The following AGBL4 variants were observed in gnomAD, a reference collection of about 807,000 sequenced individuals.
AGBL4 encodes the protein AGBL carboxypeptidase 4, also known as cytosolic carboxypeptidase 6.
AGBL4 carries 58 observed loss-of-function variants against 66.4 expected under a neutral mutation model. That is an observed-to-expected ratio of 0.87 (90% CI 0.71 to 1.09). The LOEUF (loss-of-function observed/expected upper bound fraction) is 1.09. Among genes scored for constraint, AGBL4 ranks in the 50% least tolerant of loss-of-function variants. AGBL4 has a pLI of 0.00. For missense variants in AGBL4, 579 were observed against 631.0 expected, an observed-to-expected ratio of 0.92 and a Z score of 0.88; for synonymous variants, 234 against 222.9, an observed-to-expected ratio of 1.05 and a Z score of -0.44.
chr1:49,926,016 AG>A (rs915255479), intron 1 of AGBL4, among the ~76,000 whole-genome samples: 26 of 152,304 alleles, frequency 1.7e-4, no homozygotes, highest in African/African-American at 6.0e-4. Flanking sequence ...TACAGCCCCC[AG>A]GCCTTGAGCA....
At chr1:48,765,988 TAAG>T (rs1644509322) in intron 6 of AGBL4, among the ~76,000 whole-genome samples, 1 of 152,178 alleles carries the variant, frequency 6.6e-6, no homozygotes, top group African/African-American at 2.4e-5. Flanking sequence ...GTTCCGGAAT[TAAG>T]TAGTAGTGAT....
chr1:49,629,444 C>A (rs756837066), intron 3 of AGBL4, among the ~76,000 whole-genome samples: 13 of 152,088 alleles, frequency 8.5e-5, no homozygotes, highest in Non-Finnish European at 1.5e-4. Flanking sequence ...ACGCCTTGGG[C>A]CAAGGACTTA....
intron 4 of AGBL4, among the ~76,000 whole-genome samples, chr1:49,243,358 T>C (rs192277399): frequency 2.6e-4 from 39 of 151,874 alleles, no homozygotes; most frequent in Non-Finnish European, 5.5e-4. Context: ...GATAGACTCC[T>C]TGGAGCCAAT....
chr1:48,601,014 G>A (rs1198667601), intron 9 of AGBL4, among the ~76,000 whole-genome samples: 1 of 152,124 alleles, frequency 6.6e-6, no homozygotes, highest in Admixed American at 6.5e-5. Flanking sequence ...CTCAGCCCAG[G>A]AGGTTTGGGT....
intron 2 of AGBL4, among the ~76,000 whole-genome samples, chr1:49,767,175 A>T (rs968122608): frequency 1.3e-5 from 2 of 152,146 alleles, no homozygotes; most frequent in Admixed American, 1.3e-4. Flanking sequence ...CTGAACACTG[A>T]ATATACTCTA....
intron 3 of AGBL4, among the ~76,000 whole-genome samples, chr1:49,635,945 A>G (rs927533102): frequency 5.3e-5 from 8 of 152,224 alleles, no homozygotes; most frequent in African/African-American, 1.9e-4. Context: ...TACAGCAACT[A>G]AAAATTAGAT....
intron 3 of AGBL4, among the ~76,000 whole-genome samples, chr1:49,487,183 A>G (rs1647086422): frequency 6.6e-6 from 1 of 151,972 alleles, no homozygotes; most frequent in Admixed American, 6.6e-5. Context: ...TACTCAGATT[A>G]TTTCATCCAA....
intron 3 of AGBL4, among the ~76,000 whole-genome samples, chr1:49,436,277 C>T (rs1645901277): frequency 6.6e-6 from 1 of 152,040 alleles, no homozygotes. Context: ...TTCCTCAGAA[C>T]TTTAGGACAA....
chr1:48,801,488 T>C (rs1645806079), intron 6 of AGBL4, among the ~76,000 whole-genome samples: 2 of 152,242 alleles, frequency 1.3e-5, no homozygotes, highest in African/African-American at 2.4e-5. Context: ...AAGTCAGGGA[T>C]GGCTTCCCTG....
chr1:49,264,979 T>G (rs35395172), intron 3 of AGBL4, among the ~76,000 whole-genome samples: 1 of 152,242 alleles, frequency 6.6e-6, no homozygotes, highest in Non-Finnish European at 1.5e-5. Context: ...TCTTTTATGG[T>G]TATTTTCTTT....
At chr1:49,519,554 T>C (rs929124420) in intron 3 of AGBL4, among the ~76,000 whole-genome samples, 26 of 151,986 alleles carry the variant, frequency 1.7e-4, no homozygotes, top group Admixed American at 5.9e-4. Context: ...AATGAGAAAA[T>C]ATGAATTTTA....
At chr1:49,164,899 T>G (rs1569896459) in intron 4 of AGBL4, among the ~76,000 whole-genome samples, 1 of 152,128 alleles carries the variant, frequency 6.6e-6, no homozygotes, top group Non-Finnish European at 1.5e-5. Context: ...TGGAGAACTT[T>G]TCAGCACAAG....
At chr1:48,728,049 C>A in intron 6 of AGBL4, 2 of 1,577,948 alleles carry the variant, frequency 1.3e-6, no homozygotes, top group Non-Finnish European at 1.7e-6. Flanking sequence ...ACACTCTAGA[C>A]GGGGAGAAGA....
intron 1 of AGBL4, among the ~76,000 whole-genome samples, chr1:49,980,239 A>G (rs1658949179): frequency 6.6e-6 from 1 of 152,092 alleles, no homozygotes; most frequent in Admixed American, 6.5e-5. Context: ...GAAATTTTTT[A>G]TCTTTAATTT....
intron 3 of AGBL4, among the ~76,000 whole-genome samples, chr1:49,520,315 TAAAAC>T (rs1650155932): frequency 6.6e-6 from 1 of 151,966 alleles, no homozygotes. Flanking sequence ...ATCTCAAAAA[TAAAAC>T]AAAACAACCC....
At chr1:48,726,340 A>T (rs1557907445) in intron 6 of AGBL4, among the ~76,000 whole-genome samples, 1 of 152,176 alleles carries the variant, frequency 6.6e-6, no homozygotes, top group Non-Finnish European at 1.5e-5. Context: ...GAGCTCAACA[A>T]TGATGCAAAG....
At chr1:49,316,749 A>G (rs1645045895) in intron 3 of AGBL4, among the ~76,000 whole-genome samples, 2 of 151,902 alleles carry the variant, frequency 1.3e-5, no homozygotes, top group Non-Finnish European at 2.9e-5. Context: ...TTAAATATAC[A>G]TAATCTCAAT....
intron 9 of AGBL4, among the ~76,000 whole-genome samples, chr1:48,601,684 A>C (rs319979): frequency 0.42 from 63,211 of 151,930 alleles, 13,685 homozygotes; most frequent in African/African-American, 0.55. Context: ...CCATGGAAGT[A>C]GATAGGATTA....
chr1:49,664,416 T>C (rs553354705), intron 3 of AGBL4, among the ~76,000 whole-genome samples: 7 of 152,184 alleles, frequency 4.6e-5, no homozygotes, highest in African/African-American at 1.4e-4. Context: ...ATTTTTAATG[T>C]AGTCTTATAA....
Sources: gnomAD v4.1 joint callset for allele counts (sites outside exome capture counted in the v4.1 genomes callset) on GRCh38, gnomAD v4.1.1 for gene constraint, MANE v1.5 for transcripts, NCBI Gene and HGNC (gene_info 2026-07-23, HGNC 2026-07-21) for gene names.